The following IRAK1BP1 variants were observed in gnomAD, a reference collection of about 807,000 sequenced individuals.
The protein encoded by IRAK1BP1 is interleukin-1 receptor-associated kinase 1-binding protein 1.
A neutral mutation model predicts 28.0 loss-of-function variants in IRAK1BP1; 24 were observed. That is an observed-to-expected ratio of 0.86 (90% confidence interval 0.62 to 1.20). The LOEUF is 1.20. Ranked by LOEUF, IRAK1BP1 falls within the 50% of genes most tolerant of loss-of-function variation. The pLI, the probability that IRAK1BP1 is intolerant of heterozygous loss-of-function variation, is 0.00. For synonymous variants in IRAK1BP1, 131 were observed against 116.3 expected, an observed-to-expected ratio of 1.13 and a Z score of -0.81; for missense variants, 336 against 316.7, an observed-to-expected ratio of 1.06 and a Z score of -0.46.
chr6:78,870,035 G>GTT (rs1770737127), intron 1 of IRAK1BP1, among the ~76,000 whole-genome samples: 1 of 139,184 alleles, frequency 7.2e-6, no homozygotes, highest in Admixed American at 8.1e-5. Flanking sequence ...CTTGAACCCA[G>GTT]GAGGCGGAGG....
the IRAK1BP1 span, among the ~76,000 whole-genome samples, chr6:78,953,042 GT>G: frequency 3.5e-5 from 5 of 143,946 alleles, no homozygotes; most frequent in East Asian, 4.1e-4. Context: ...TATAGGTGTT[GT>G]TTTTTTTTTA....
chr6:78,949,117 T>TCACC (rs1327044163), downstream of IRAK1BP1, among the ~76,000 whole-genome samples: 3 of 152,210 alleles, frequency 2.0e-5, no homozygotes, highest in Non-Finnish European at 4.4e-5. Flanking sequence ...ATATTAGCTG[T>TCACC]AGATGTACTT....
chr6:78,923,769 C>G (rs923100578), intron 4 of IRAK1BP1, among the ~76,000 whole-genome samples: 1 of 152,152 alleles, frequency 6.6e-6, no homozygotes, highest in African/African-American at 2.4e-5. Context: ...GAAACTCACT[C>G]AAAACCACTC....
chr6:78,953,569 A>G, the IRAK1BP1 span, among the ~76,000 whole-genome samples: 1 of 152,320 alleles, frequency 6.6e-6, no homozygotes, highest in African/African-American at 2.4e-5. Context: ...GTTTTTTGAA[A>G]GGTGAGGTTC....
chr6:78,921,211 G>A (rs182738730), intron 4 of IRAK1BP1, among the ~76,000 whole-genome samples: 74 of 152,256 alleles, frequency 4.9e-4, no homozygotes, highest in African/African-American at 4.3e-4. Context: ...CTAGAAAATC[G>A]GGTAACTCCC....
the IRAK1BP1 span, among the ~76,000 whole-genome samples, chr6:78,971,103 A>C: frequency 6.6e-6 from 1 of 152,192 alleles, no homozygotes; most frequent in Admixed American, 6.5e-5. Context: ...CACACTTATA[A>C]GTTAAGATGA....
chr6:78,949,454 G>T (rs1484784695), downstream of IRAK1BP1, among the ~76,000 whole-genome samples: 1 of 152,010 alleles, frequency 6.6e-6, no homozygotes, highest in East Asian at 1.9e-4. Flanking sequence ...TCATCTCAGA[G>T]CTGGGACCAG....
intron 4 of IRAK1BP1, among the ~76,000 whole-genome samples, chr6:78,928,760 A>G (rs781764404): frequency 6.6e-6 from 1 of 152,170 alleles, no homozygotes; most frequent in Non-Finnish European, 1.5e-5. Flanking sequence ...CTTTTTCGGC[A>G]TCAATTGAAA....
the IRAK1BP1 span, chr6:78,955,693 A>G: frequency 2.3e-6 from 2 of 865,582 alleles, no homozygotes; most frequent in Admixed American, 2.3e-5. Flanking sequence ...CTACATAACA[A>G]GGAAATGTTA....
chr6:78,952,430 A>G, the IRAK1BP1 span, among the ~76,000 whole-genome samples: 8 of 135,212 alleles, frequency 5.9e-5, no homozygotes, highest in Non-Finnish European at 1.1e-4. Context: ...AAAAAAAAGA[A>G]AAAAAAAAAA....
chr6:78,916,494 C>T (rs1772564894), intron 4 of IRAK1BP1, among the ~76,000 whole-genome samples: 1 of 152,056 alleles, frequency 6.6e-6, no homozygotes, highest in East Asian at 1.9e-4. Flanking sequence ...CTGTGTTTTA[C>T]TTTGTCTAAT....
chr6:78,879,569 A>C (rs1030119126), intron 1 of IRAK1BP1, among the ~76,000 whole-genome samples: 7 of 152,182 alleles, frequency 4.6e-5, no homozygotes, highest in Non-Finnish European at 7.4e-5. Flanking sequence ...ACTTTGTTCA[A>C]AATTGGTCAA....
At chr6:78,950,133 G>C (rs757314663), downstream of IRAK1BP1, among the ~76,000 whole-genome samples, 2 of 152,142 alleles carry the variant, frequency 1.3e-5, no homozygotes, top group Non-Finnish European at 2.9e-5. Context: ...TGGATTACTT[G>C]ATATAATCAT....
At chr6:78,893,835 G>A (rs143023086) in intron 2 of IRAK1BP1, among the ~76,000 whole-genome samples, 11,469 of 152,088 alleles carry the variant, frequency 0.075, 550 homozygotes, top group African/African-American at 0.13. Flanking sequence ...CTCAGGAGGC[G>A]GAGGTTGCAG....
Position 78,942,665 on chromosome 6 carries a change from G to C in IRAK1BP1, c.*68-2743G>C, listed in dbSNP as rs950419975. Among the ~76,000 whole-genome samples, 7 of 152,240 alleles carry C rather than the reference G, an allele frequency of 4.6e-5. No individual in the cohort carries two copies. In the South Asian group the frequency reaches 1.5e-3, roughly 32 times the overall value. The stretch of plus-strand genomic sequence containing the variant: ...ATAAAGTAGTTAAGTATTTCCTATG[G>C]AGCAACTGACATTTAAACTGCCCAG... On this transcript the variant is annotated intron_variant and NMD_transcript_variant, in intron 4 of 4. Coordinates refer to the IRAK1BP1 transcript ENST00000606868.
the IRAK1BP1 span, among the ~76,000 whole-genome samples, chr6:78,970,436 A>G: frequency 2.6e-5 from 4 of 152,190 alleles, no homozygotes; most frequent in African/African-American, 9.6e-5. Context: ...TAAGTTTTCT[A>G]TCACCATTCC....
the IRAK1BP1 span, chr6:78,969,690 A>C: frequency 2.2e-6 from 1 of 446,632 alleles, no homozygotes; most frequent in South Asian, 6.3e-5. Flanking sequence ...CCTCTGACAT[A>C]GTATCTTACT....
At chr6:78,925,626 T>C (rs945669469) in intron 4 of IRAK1BP1, among the ~76,000 whole-genome samples, 1 of 152,202 alleles carries the variant, frequency 6.6e-6, no homozygotes, top group East Asian at 1.9e-4. Flanking sequence ...GGAAAGCAAT[T>C]TGGAGAGTTC....
the IRAK1BP1 span, among the ~76,000 whole-genome samples, chr6:78,972,875 T>C: frequency 1.3e-5 from 2 of 152,096 alleles, no homozygotes; most frequent in African/African-American, 4.8e-5. Context: ...AATATAGGAC[T>C]ATGTGAAAAG....
Sources: gnomAD v4.1 joint callset for allele counts (sites outside exome capture counted in the v4.1 genomes callset) on GRCh38, gnomAD v4.1.1 for gene constraint, MANE v1.5 for transcripts, NCBI Gene and HGNC (gene_info 2026-07-23, HGNC 2026-07-21) for gene names.